Variants in SMAD7 observed in about 807,000 individuals in gnomAD.
SMAD7 encodes the protein MAD (mothers against decapentaplegic, Drosophila) homolog 7.
A neutral mutation model predicts 38.7 loss-of-function variants in SMAD7; 8 were observed. The observed-to-expected ratio is 0.21, with a 90% CI of 0.12 to 0.37. SMAD7 has a LOEUF of 0.37. SMAD7 is among the 10% of genes least tolerant of loss of function. The probability of loss-of-function intolerance (pLI) is 1.00; values close to 1 mark genes in which losing one functional copy is unlikely to be tolerated. For synonymous variants in SMAD7, 327 were observed against 265.1 expected, an observed-to-expected ratio of 1.23 and a Z score of -2.27; for missense variants, 477 against 577.9, an observed-to-expected ratio of 0.83 and a Z score of 1.79.
At chr18:48,931,832 A>G (rs1033802775) in intron 3 of SMAD7, among the ~76,000 whole-genome samples, 3 of 152,244 alleles carry the variant, frequency 2.0e-5, no homozygotes, top group Non-Finnish European at 4.4e-5. Context: ...CTCTAGTGAC[A>G]GGAAAGTGGA....
chr18:48,934,228 G>C (rs1165123430), intron 3 of SMAD7, among the ~76,000 whole-genome samples: 1 of 152,096 alleles, frequency 6.6e-6, no homozygotes, highest in African/African-American at 2.4e-5. Flanking sequence ...CTGTACCAGG[G>C]CAGCTCCGAG....
intron 3 of SMAD7, among the ~76,000 whole-genome samples, chr18:48,929,568 CT>C (rs1238761314): frequency 2.0e-5 from 2 of 99,832 alleles, no homozygotes; most frequent in African/African-American, 6.8e-5. Context: ...CTCTCTCTCT[CT>C]CACTCACACA....
In SMAD7 at chr18:48,921,480, C is replaced by G. The variant is rs34151545; in HGVS notation, c.1173G>C (p.Thr391=). 26,007 of 1,614,188 alleles carry G rather than the reference C, an allele frequency of 0.016. 264 individuals are homozygous for G. Among genetic ancestry groups the G allele is most frequent in the South Asian group, 0.019 (1,715 of 91,064 alleles). ...CAAAGCTGATCTGCACGGTAAAGCC[C>G]GTCCACGGCTGCTGCATAAACTCGT... The part of the protein sequence containing the change: ...NDHEFMQQPW[T]GFTVQISFVK... Residue 391 remains threonine, a synonymous_variant, in exon 4 of 4, where the codon ACG becomes ACC. Coordinates refer to ENST00000262158, the MANE Select transcript of SMAD7 (RefSeq NM_005904.4). This position sits in a 1 kb window ranked among gnomAD's most constrained non-coding sequence, Gnocchi z 6.4.
chr18:48,940,968 C>T (rs1456688773), intron 3 of SMAD7, among the ~76,000 whole-genome samples: 2 of 152,124 alleles, frequency 1.3e-5, no homozygotes, highest in East Asian at 1.9e-4. Context: ...ACAAACCTTC[C>T]GAAAGGACCC....
chr18:48,922,856 C>T (rs540632285), intron 3 of SMAD7, among the ~76,000 whole-genome samples: 5 of 152,188 alleles, frequency 3.3e-5, no homozygotes, highest in South Asian at 2.1e-4. Flanking sequence ...GGCCCCGCCC[C>T]GCTTCCCTAC....
At chr18:48,942,193 G>A (rs939852162) in intron 3 of SMAD7, among the ~76,000 whole-genome samples, 2 of 152,134 alleles carry the variant, frequency 1.3e-5, no homozygotes, top group Admixed American at 1.3e-4. Flanking sequence ...CCCAAGCCAG[G>A]AGCTGCTTAA....
intron 3 of SMAD7, among the ~76,000 whole-genome samples, chr18:48,935,632 G>C (rs1196674744): frequency 1.3e-5 from 2 of 152,182 alleles, no homozygotes; most frequent in Non-Finnish European, 2.9e-5. Context: ...GGGGGACCCC[G>C]CAGAGTGAGA....
rs540280833 is a variant in SMAD7 at position 48,942,766 on chromosome 18, G to C, written c.668-211C>G. The C allele has an allele frequency of 1.8e-5, 25 of 1,411,752 alleles. No homozygotes were observed. In the South Asian group the frequency reaches 3.7e-4, roughly 21 times the overall value. The allele number at this position is 1,411,752 out of a possible 1,614,324, so 87.5% of individuals were successfully genotyped here. On this transcript the variant is annotated intron_variant, in intron 2 of 3. Coordinates refer to ENST00000262158, the MANE Select transcript of SMAD7 (RefSeq NM_005904.4). ...CACCTTGTCACCCGTCTGGGCTCCG[G>C]GCAGCCAGTTAATCATTACTCGAGT... is the stretch of plus-strand genomic sequence containing the variant.
At chr18:48,935,778 C>G (rs185850976) in intron 3 of SMAD7, among the ~76,000 whole-genome samples, 5 of 152,256 alleles carry the variant, frequency 3.3e-5, no homozygotes, top group Admixed American at 1.3e-4. Context: ...TCTGCTTGCT[C>G]AGGTAACACA....
At chr18:48,947,424 C>A (rs1333884796) in intron 2 of SMAD7, among the ~76,000 whole-genome samples, 1 of 152,232 alleles carries the variant, frequency 6.6e-6, no homozygotes, top group Non-Finnish European at 1.5e-5. Flanking sequence ...ATTCCAGGAG[C>A]TAAATGGTGC....
At chr18:48,941,799 C>T (rs1421645071) in intron 3 of SMAD7, among the ~76,000 whole-genome samples, 2 of 152,196 alleles carry the variant, frequency 1.3e-5, no homozygotes, top group Non-Finnish European at 2.9e-5. Flanking sequence ...AACAACAATG[C>T]TCTGGCTACC....
intron 3 of SMAD7, among the ~76,000 whole-genome samples, chr18:48,940,963 C>A (rs1233842691): frequency 1.3e-5 from 2 of 152,136 alleles, no homozygotes; most frequent in African/African-American, 4.8e-5. Context: ...AGAAGACAAA[C>A]CTTCCGAAAG....
Position 48,950,408 on chromosome 18 carries a change from C to A in SMAD7, c.17G>T (p.Arg6Leu). 1 of 1,552,862 alleles carries A rather than the reference C, an allele frequency of 6.4e-7. No homozygotes were observed. MFRTK[R>L]SALVRRLWRS... ...CCAGAGACGCCGGACGAGCGCAGAT[C>A]GTTTGGTCCTGAACATGCGGGGCGA... Residue 6 changes from arginine (R) to leucine (L), a missense_variant, in exon 1 of 4, where the codon CGA (arginine) becomes CTA (leucine). Physicochemically the swap from Arg to Leu is moderately radical, Grantham distance 102. This residue lies in a region of SMAD7 where 376 missense variants were observed against 379.4 expected (regional missense o/e 0.99). Coordinates refer to ENST00000262158, the MANE Select transcript of SMAD7 (RefSeq NM_005904.4).
intron 3 of SMAD7, among the ~76,000 whole-genome samples, chr18:48,922,822 C>G (rs1276938312): frequency 6.6e-6 from 1 of 152,174 alleles, no homozygotes; most frequent in African/African-American, 2.4e-5. Flanking sequence ...GGGCGCCCTG[C>G]TCCGCCCTCA....
intron 1 of SMAD7, among the ~76,000 whole-genome samples, chr18:48,949,506 G>A (rs930026366): frequency 6.6e-6 from 1 of 152,062 alleles, no homozygotes; most frequent in Non-Finnish European, 1.5e-5. Flanking sequence ...AAATGAAGGC[G>A]TCTAATTTTT....
At chr18:48,938,655 C>T (rs868233072) in intron 3 of SMAD7, among the ~76,000 whole-genome samples, 6 of 152,192 alleles carry the variant, frequency 3.9e-5, no homozygotes, top group African/African-American at 1.4e-4. Context: ...CCTCAACCCA[C>T]TCAAACCAGG....
intron 3 of SMAD7, among the ~76,000 whole-genome samples, chr18:48,940,913 G>A (rs767567057): frequency 2.0e-5 from 3 of 152,068 alleles, no homozygotes; most frequent in African/African-American, 4.8e-5. Flanking sequence ...GCCTGGTGTC[G>A]TCATTTCCTC....
chr18:48,942,358 C>A, intron 3 of SMAD7, 123 bp downstream of exon 3: 1 of 684,130 alleles, frequency 1.5e-6, no homozygotes, highest in Non-Finnish European at 2.6e-6. Context: ...CAACTTAAGG[C>A]ATATAAAAAT....
intron 3 of SMAD7, among the ~76,000 whole-genome samples, chr18:48,933,122 G>A (rs1475588875): frequency 1.3e-5 from 2 of 152,096 alleles, no homozygotes; most frequent in East Asian, 1.9e-4. Context: ...ACCAAAACCC[G>A]GGAGACCTAC....
Sources: allele counts gnomAD v4.1 joint callset (sites outside exome capture counted in the v4.1 genomes callset), GRCh38; gene constraint gnomAD v4.1.1; regional missense constraint gnomAD v4.1.1; non-coding constraint Gnocchi (gnomAD v3.1); transcripts MANE v1.5; gene names NCBI Gene and HGNC (gene_info 2026-07-23, HGNC 2026-07-21).